CTNNA3: variants seen among roughly 807,000 people sequenced by gnomAD.
CTNNA3 encodes catenin alpha-3.
CTNNA3 carries 76 observed loss-of-function variants against 95.7 expected under a neutral mutation model. That is an observed-to-expected ratio of 0.79 (90% confidence interval 0.66 to 0.96). The LOEUF is 0.96. CTNNA3 is among the 40% of genes least tolerant of loss of function. The probability of loss-of-function intolerance (pLI) is 0.00; values close to 1 mark genes in which losing one functional copy is unlikely to be tolerated. For synonymous variants in CTNNA3, 431 were observed against 374.4 expected, an observed-to-expected ratio of 1.15 and a Z score of -1.74; for missense variants, 1,191 against 1,089.8, an observed-to-expected ratio of 1.09 and a Z score of -1.31.
intron 7 of CTNNA3, among the ~76,000 whole-genome samples, chr10:67,070,636 G>A (rs1054106745): frequency 2.0e-5 from 3 of 151,746 alleles, no homozygotes; most frequent in Non-Finnish European, 4.4e-5. Flanking sequence ...CTTCCCAGCT[G>A]CTTGGGAGGC....
At chr10:66,545,054 A>C (rs1468771927) in intron 10 of CTNNA3, among the ~76,000 whole-genome samples, 3 of 152,072 alleles carry the variant, frequency 2.0e-5, no homozygotes, top group Admixed American at 6.5e-5. Context: ...TATGAATCTT[A>C]AATATGCAGA....
chr10:67,124,460 T>C (rs1338121492), intron 7 of CTNNA3, among the ~76,000 whole-genome samples: 1 of 151,246 alleles, frequency 6.6e-6, no homozygotes, highest in Non-Finnish European at 1.5e-5. Context: ...TTACAAAAAA[T>C]CAATTTCTAG....
At chr10:67,027,007 C>T (rs1853432187) in intron 7 of CTNNA3, among the ~76,000 whole-genome samples, 1 of 152,188 alleles carries the variant, frequency 6.6e-6, no homozygotes, top group African/African-American at 2.4e-5. Context: ...GATGATAAAA[C>T]ATCTCCTTTT....
intron 1 of CTNNA3, among the ~76,000 whole-genome samples, chr10:67,681,718 A>C (rs1252747181): frequency 2.0e-5 from 3 of 152,160 alleles, no homozygotes; most frequent in Non-Finnish European, 1.5e-5. Flanking sequence ...AAGAGGTTTA[A>C]AATTTTGACT....
At chr10:66,461,270 G>C (rs1415736041) in intron 11 of CTNNA3, among the ~76,000 whole-genome samples, 1 of 152,130 alleles carries the variant, frequency 6.6e-6, no homozygotes, top group Non-Finnish European at 1.5e-5. Context: ...TGGATAGTCA[G>C]ACCATGCTAG....
intron 5 of CTNNA3, among the ~76,000 whole-genome samples, chr10:67,252,289 TCTA>T (rs1348691841): frequency 4.7e-5 from 7 of 150,134 alleles, no homozygotes; most frequent in African/African-American, 1.7e-4. Flanking sequence ...TAGAAGCTCA[TCTA>T]CTGTCTGAGG....
At chr10:66,205,236 G>A (rs1258965799) in intron 13 of CTNNA3, among the ~76,000 whole-genome samples, 1 of 151,532 alleles carries the variant, frequency 6.6e-6, no homozygotes, top group Non-Finnish European at 1.5e-5. Context: ...ATAGTTCTTG[G>A]AAACTGTGAC....
chr10:67,277,594 G>A (rs1007112351), intron 5 of CTNNA3, among the ~76,000 whole-genome samples: 2 of 152,080 alleles, frequency 1.3e-5, no homozygotes, highest in Non-Finnish European at 2.9e-5. Context: ...GGCATTCCTA[G>A]TCACAGGATG....
At chr10:66,863,383 GAT>G (rs1219360853) in intron 7 of CTNNA3, among the ~76,000 whole-genome samples, 2 of 152,026 alleles carry the variant, frequency 1.3e-5, no homozygotes, top group Admixed American at 6.6e-5. Flanking sequence ...ATGGGACAGG[GAT>G]AAAATCAGGG....
intron 7 of CTNNA3, among the ~76,000 whole-genome samples, chr10:67,019,375 C>T (rs1455951842): frequency 1.3e-5 from 2 of 152,066 alleles, no homozygotes; most frequent in South Asian, 2.1e-4. Context: ...TGTGCCACCA[C>T]GCCAGGCTAA....
chr10:66,264,801 A>G (rs1031138058), intron 13 of CTNNA3, among the ~76,000 whole-genome samples: 1 of 151,872 alleles, frequency 6.6e-6, no homozygotes, highest in African/African-American at 2.4e-5. Flanking sequence ...CTCCATTTCC[A>G]ATAACATACT....
intron 11 of CTNNA3, among the ~76,000 whole-genome samples, chr10:66,460,434 C>T (rs772405145): frequency 6.6e-5 from 10 of 152,100 alleles, no homozygotes; most frequent in African/African-American, 2.4e-4. Context: ...ATGTAAGTTG[C>T]GATGGGTGGA....
chr10:66,084,384 T>C (rs1415675763), intron 14 of CTNNA3, among the ~76,000 whole-genome samples: 1 of 151,752 alleles, frequency 6.6e-6, no homozygotes, highest in Admixed American at 6.6e-5. Context: ...TCCACAAAAA[T>C]TAAAAACTAA....
chr10:67,272,420 G>A (rs1409361738), intron 5 of CTNNA3, among the ~76,000 whole-genome samples: 2 of 152,054 alleles, frequency 1.3e-5, no homozygotes, highest in Non-Finnish European at 2.9e-5. Context: ...GGGAGTGGTG[G>A]TGCATGCCTG....
chr10:67,542,031 C>A (rs906209017), intron 3 of CTNNA3, among the ~76,000 whole-genome samples: 1 of 152,064 alleles, frequency 6.6e-6, no homozygotes, highest in Non-Finnish European at 1.5e-5. Flanking sequence ...AGAAAGAGAT[C>A]ATTTAAACAA....
chr10:66,491,115 AT>A (rs1446055417), intron 11 of CTNNA3, among the ~76,000 whole-genome samples: 1 of 152,190 alleles, frequency 6.6e-6, no homozygotes, highest in African/African-American at 2.4e-5. Context: ...GACCTTAGAC[AT>A]CTAGAAACTC....
chr10:67,656,266 A>C (rs1350366576), intron 1 of CTNNA3, among the ~76,000 whole-genome samples: 1 of 152,188 alleles, frequency 6.6e-6, no homozygotes, highest in Admixed American at 6.5e-5. Flanking sequence ...GTGATGAAGG[A>C]ATAGTTGGGT....
At chr10:67,162,000 T>C (rs1861570578) in intron 7 of CTNNA3, among the ~76,000 whole-genome samples, 1 of 152,024 alleles carries the variant, frequency 6.6e-6, no homozygotes, top group Non-Finnish European at 1.5e-5. Flanking sequence ...GCGCATGTAC[T>C]TAACAACAGA....
At chr10:67,148,492 G>A (rs1860941489) in intron 7 of CTNNA3, among the ~76,000 whole-genome samples, 2 of 152,160 alleles carry the variant, frequency 1.3e-5, no homozygotes, top group African/African-American at 2.4e-5. Context: ...CAGATCATGG[G>A]GTTAGGATGG....
Sources: gnomAD v4.1 joint callset for allele counts (sites outside exome capture counted in the v4.1 genomes callset) on GRCh38, gnomAD v4.1.1 for gene constraint, MANE v1.5 for transcripts, NCBI Gene and HGNC (gene_info 2026-07-23, HGNC 2026-07-21) for gene names.